KMT2B: variants seen among roughly 807,000 people sequenced by gnomAD.
KMT2B encodes the protein lysine methyltransferase 2B.
KMT2B carries 22 observed loss-of-function variants against 255.3 expected under a neutral mutation model. That is an observed-to-expected ratio of 0.09 (90% CI 0.06 to 0.12). The LOEUF is 0.12. Ranked by LOEUF, KMT2B falls within the 10% of genes least tolerant of loss-of-function variation. The pLI is 1.00. For missense variants in KMT2B, 3,149 were observed against 3,737.0 expected, an observed-to-expected ratio of 0.84 and a Z score of 4.10; for synonymous variants, 1,730 against 1,498.1, an observed-to-expected ratio of 1.15 and a Z score of -3.57.
chr19:35,728,475 A>C (rs1415964013), intron 19 of KMT2B, among the ~76,000 whole-genome samples: 1 of 118,374 alleles, frequency 8.4e-6, no homozygotes, highest in Non-Finnish European at 1.7e-5. Context: ...GTGATGGAGA[A>C]TACCAGGGGG....
rs1205441044 is a variant in KMT2B, at chr19:35,725,751, A to G, written c.3818A>G (p.His1273Arg). The stretch of plus-strand genomic sequence containing the variant: ...CTCCTGGAGTGCGAGCGCTGCCGCC[A>G]TGCATACCACCCGGCCTGTCTGGGG... ...KHLLECERCRHAYHPACLGPS... is the reference protein window; with the variant it reads ...KHLLECERCRRAYHPACLGPS... The change falls in exon 13 of 37, where the codon CAT becomes CGT. Residue 1273 changes from histidine (H) to arginine (R), a missense_variant. His to Arg is a conservative substitution (Grantham distance 29). Coordinates refer to ENST00000420124, the MANE Select transcript of KMT2B (RefSeq NM_014727.3). This position sits in a 1 kb window ranked among gnomAD's most constrained non-coding sequence, Gnocchi z 4.1. 10 of 1,605,986 alleles carry G rather than the reference A, an allele frequency of 6.2e-6. No homozygotes were observed. Among genetic ancestry groups the G allele is most frequent in the East Asian group, 2.3e-5 (1 of 44,396 alleles).
Position 35,733,388 on chromosome 19 carries a change from G to C in KMT2B, c.6839G>C (p.Arg2280Thr). Residue 2280 changes from arginine to threonine, a missense_variant, in exon 28 of 37, where the codon AGG becomes ACG. Physicochemically the swap from Arg to Thr is moderately conservative, Grantham distance 71. This residue lies in a region of KMT2B where 897 missense variants were observed against 825.3 expected (regional missense o/e 1.09). Transcript: ENST00000420124. This position sits in a 1 kb window ranked among gnomAD's most constrained non-coding sequence, Gnocchi z 4.3. ...SPPRQAIRVK[R>T]VSTFSGRSPP... ...CCCCGCCAGGCCATCCGCGTCAAGA[G>C]GGTGTCCACTTTCTCCGGCCGGTCC... 6.5e-7 allele frequency: 1 copy of C among 1,550,186 alleles called. No homozygotes were observed. Among genetic ancestry groups the C allele is most frequent in the Non-Finnish European group, 8.7e-7 (1 of 1,146,862 alleles).
rs1023349937 is a variant in KMT2B, at chr19:35,738,657, C to T, written c.*100C>T. 484 of 1,321,018 alleles carry T rather than the reference C, an allele frequency of 3.7e-4. 1 individual carries two copies. Among genetic ancestry groups the T allele is most frequent in the Middle Eastern group, 6.4e-4 (3 of 4,702 alleles). 81.8% of individuals were successfully genotyped at this position (1,321,018 alleles called of 1,614,324 possible). A position where few individuals can be genotyped will look rare whatever the true frequency, so the allele number is the denominator to read the frequency against. On this transcript the variant is annotated 3_prime_UTR_variant, in exon 37 of 37. Transcript: ENST00000420124. This position sits in a 1 kb window ranked among gnomAD's most constrained non-coding sequence, Gnocchi z 8.7. ...CCCTAGCCCCTCCCAGAGCATCTCA[C>T]CCCCACCCTCATGTTCAGGGTGGAT...
At position 35,723,689 on chromosome 19, in the gene KMT2B, C is replaced by T. The variant is rs758906894; in HGVS notation, c.3059-43C>T. The T allele has an allele frequency of 3.1e-5, 46 of 1,497,140 alleles. No individual in the cohort carries two copies. Among genetic ancestry groups the T allele is most frequent in the Middle Eastern group, 1.8e-4 (1 of 5,430 alleles). 92.7% of individuals were successfully genotyped at this position (1,497,140 alleles called of 1,614,324 possible). ...TGGCTTCTCTCCCAGTGTCCCATGT[C>T]CCTGGCTGAGCTCAAATCCTACTAA... On this transcript the variant is annotated intron_variant, in intron 7 of 36. Transcript: ENST00000420124. This position sits in a 1 kb window ranked among gnomAD's most constrained non-coding sequence, Gnocchi z 7.5.
At position 35,728,127 on chromosome 19, in the gene KMT2B, C is replaced by T. The variant is rs779008537; in HGVS notation, c.4527C>T (p.Asp1509=). The T allele has an allele frequency of 4.7e-5, 76 of 1,600,146 alleles. No homozygotes were observed. Among genetic ancestry groups the T allele is most frequent in the South Asian group, 9.1e-5 (8 of 88,384 alleles). Residue 1509 remains aspartate, a synonymous_variant, in exon 19 of 37, where the codon GAC becomes GAT. Coordinates refer to ENST00000420124, the MANE Select transcript of KMT2B (RefSeq NM_014727.3). The part of the protein sequence containing the change: ...KLLESAFGWF[D]AHDPKYWRRS... ...TAGAATCTGCGTTCGGCTGGTTCGA[C>T]GCCCACGACCCCAAGTACTGGCGAC...
chr19:35,724,654 C>T lies in KMT2B; in HGVS notation c.3352C>T (p.Pro1118Ser). The change falls in exon 9 of 37, where the codon CCT becomes TCT. Residue 1118 changes from proline (P) to serine (S), a missense_variant. By Grantham distance (74) the Pro-to-Ser change is moderately conservative (BLOSUM62 -1). Transcript: ENST00000420124. ...CTGCCTAGAGCTGCCACTGCCAGAA[C>T]CTGAGGAGCAGAGCCGGCCCCGCAA... ...PRENELPLPEPEEQSRPRKPT... is the reference protein window; with the variant it reads ...PRENELPLPESEEQSRPRKPT... The T allele has an allele frequency of 6.3e-7, 1 of 1,599,808 alleles. No homozygotes were observed. The highest frequency in any genetic ancestry group is 8.5e-7 in the Non-Finnish European group (1 of 1,173,588).
chr19:35,723,811 C>T lies in KMT2B; in HGVS notation c.3138C>T (p.Arg1046=), dbSNP rs748775538. ...CCTCCCCTGGTCCTCCAGGCCCACG[C>T]CGGGGGGCGGGAGCTGGGGGGCCCC... ...PEASPGPPGP[R]RGAGAGGPRE... The change falls in exon 8 of 37, where the codon CGC becomes CGT. Residue 1046 remains arginine, a synonymous_variant. Transcript: ENST00000420124. This position sits in a 1 kb window ranked among gnomAD's most constrained non-coding sequence, Gnocchi z 7.5. 14 of 1,592,982 alleles carry T rather than the reference C, an allele frequency of 8.8e-6. No homozygotes were observed. The highest frequency in any genetic ancestry group is 1.2e-5 in the Non-Finnish European group (14 of 1,169,148).
In KMT2B at chr19:35,722,391, CG is replaced by C; in HGVS notation, c.2494del (p.Ala832LeufsTer154). 6.2e-7 allele frequency: 1 copy of C among 1,610,794 alleles called. No homozygotes were observed. On this transcript the variant is annotated frameshift_variant, in exon 4 of 37. Transcript: ENST00000420124. LOFTEE classifies it high-confidence loss of function. ...CTGGAGGGCAGATGGAGGAGGTGGC[CG>C]GGGCTGTCAAGCAGATCTCCGACAG... ...SPGGQMEEVA[G>X]AVKQISDRGP...
At chr19:35,731,640 C>G (rs1001157040) in intron 26 of KMT2B, among the ~76,000 whole-genome samples, 30 of 152,232 alleles carry the variant, frequency 2.0e-4, no homozygotes, top group Middle Eastern at 6.8e-3. Context: ...GAGGGCAGTT[C>G]CCCATGGCGT....
At chr19:35,726,086 C>A in intron 13 of KMT2B, 150 bp from the exon 14 acceptor site, 1 of 679,718 alleles carries the variant, frequency 1.5e-6, no homozygotes. Flanking sequence ...CCTCATGTTC[C>A]TCCTCCGTGT....
At chr19:35,724,063 G>A (rs983763407) in intron 8 of KMT2B, 56 bp downstream of exon 8, 2 of 1,488,694 alleles carry the variant, frequency 1.3e-6, no homozygotes, top group Non-Finnish European at 1.8e-6. Context: ...TGTGTCTTTT[G>A]TGTAGGAGGG....
In KMT2B at chr19:35,723,516, A is replaced by G. The variant is rs756352097; in HGVS notation, c.3058+14A>G. 2.7e-5 allele frequency: 42 copies of G among 1,559,670 alleles called. No homozygotes were observed. In the Middle Eastern group the frequency reaches 1.2e-3, roughly 43 times the overall value. ...TGGCTAAAAAAGGTGACGAGCTTTA[A>G]GGAGCATTTCTTCTCAAAACCGTGT... On this transcript the variant is annotated intron_variant, in intron 7 of 36. Coordinates refer to ENST00000420124, the MANE Select transcript of KMT2B (RefSeq NM_014727.3). The surrounding 1 kb of genome is among the most constrained non-coding windows in gnomAD (Gnocchi z 7.5).
At position 35,738,661 on chromosome 19, in the gene KMT2B, C is replaced by T; in HGVS notation, c.*104C>T. 1 of 1,304,482 alleles carries T rather than the reference C, an allele frequency of 7.7e-7. No homozygotes were observed. Among genetic ancestry groups the T allele is most frequent in the Non-Finnish European group, 1.0e-6 (1 of 955,890 alleles). The allele number at this position is 1,304,482 out of a possible 1,614,324, so 80.8% of individuals were successfully genotyped here. The stretch of plus-strand genomic sequence containing the variant: ...AGCCCCTCCCAGAGCATCTCACCCC[C>T]ACCCTCATGTTCAGGGTGGATGTGG... On this transcript the variant is annotated 3_prime_UTR_variant, in exon 37 of 37. Transcript: ENST00000420124. The surrounding 1 kb of genome is among the most constrained non-coding windows in gnomAD (Gnocchi z 8.7).
chr19:35,733,226 C>G lies in KMT2B; in HGVS notation c.6677C>G (p.Pro2226Arg). The part of the protein sequence containing the change: ...KQPPLPPTIS[P>R]TAPTSWTLPP... Reference sequence around the variant, plus strand: ...CCACCTTTGCCCCCCACCATTTCCCCCACGGCTCCCACCTCCTGGACTCTG... The same window carrying G: ...CCACCTTTGCCCCCCACCATTTCCCGCACGGCTCCCACCTCCTGGACTCTG... The change falls in exon 28 of 37, where the codon CCC becomes CGC. Residue 2226 changes from proline (P) to arginine (R), a missense_variant. This residue lies in a region of KMT2B where 897 missense variants were observed against 825.3 expected (regional missense o/e 1.09). Coordinates refer to ENST00000420124, the MANE Select transcript of KMT2B (RefSeq NM_014727.3). This position sits in a 1 kb window ranked among gnomAD's most constrained non-coding sequence, Gnocchi z 4.3. The G allele has an allele frequency of 6.7e-7, 1 of 1,494,396 alleles. No homozygotes were observed. 92.6% of individuals were successfully genotyped at this position (1,494,396 alleles called of 1,614,324 possible).
In KMT2B at chr19:35,718,460, G is replaced by A. The variant is rs1969045709; in HGVS notation, c.363+79G>A. The A allele has an allele frequency of 3.3e-6, 4 of 1,197,624 alleles. No individual in the cohort carries two copies. Among genetic ancestry groups the A allele is most frequent in the Non-Finnish European group, 4.2e-6 (4 of 958,188 alleles). The allele number at this position is 1,197,624 out of a possible 1,614,324, so 74.2% of individuals were successfully genotyped here. A position where few individuals can be genotyped will look rare whatever the true frequency, so the allele number is the denominator to read the frequency against. ...CAGGGGTCTGGGTTGTCCCGGGGGC[G>A]GCGTGGGCAGGCCGGGTCCTCAGGG... is the stretch of plus-strand genomic sequence containing the variant. On this transcript the variant is annotated intron_variant, in intron 1 of 36. Coordinates refer to ENST00000420124, the MANE Select transcript of KMT2B (RefSeq NM_014727.3). This position sits in a 1 kb window ranked among gnomAD's most constrained non-coding sequence, Gnocchi z 5.0.
At position 35,733,089 on chromosome 19, in the gene KMT2B, C is replaced by T. The variant is rs1046401876; in HGVS notation, c.6540C>T (p.Ala2180=). The part of the protein sequence containing the change: ...PGVRVLSLGP[A]PEPPKPATSK... ...TCCGGGTGTTAAGCCTTGGCCCTGC[C>T]CCTGAGCCCCCCAAACCCGCCACAT... Residue 2180 remains alanine, a synonymous_variant, in exon 28 of 37, where the codon GCC becomes GCT. Coordinates refer to ENST00000420124, the MANE Select transcript of KMT2B (RefSeq NM_014727.3). The surrounding 1 kb of genome is among the most constrained non-coding windows in gnomAD (Gnocchi z 4.3). 2 of 1,564,666 alleles carry T rather than the reference C, an allele frequency of 1.3e-6. No homozygotes were observed. The highest frequency in any genetic ancestry group is 2.4e-5 in the East Asian group (1 of 41,894).
rs1969257525 is a variant in KMT2B at position 35,722,441 on chromosome 19, A to G, written c.2540A>G (p.Glu847Gly). ...AGAGGCCCTGTCCGGTCTGAAGATG[A>G]GTCGGTGGAAGCTAAGAGAGAGCGG... ...SDRGPVRSEDESVEAKRERPS... is the reference protein window; with the variant it reads ...SDRGPVRSEDGSVEAKRERPS... Residue 847 changes from glutamate to glycine, a missense_variant, in exon 4 of 37, where the codon GAG (glutamate) becomes GGG (glycine). Physicochemically the swap from Glu to Gly is moderately conservative, Grantham distance 98. Around this residue, in one of 18 missense-constraint regions of KMT2B, gnomAD observed 1,188 missense variants for 1,106.4 expected, o/e 1.07. Transcript: ENST00000420124. 6.2e-7 allele frequency: 1 copy of G among 1,609,640 alleles called. No homozygotes were observed. The highest frequency in any genetic ancestry group is 1.7e-5 in the Admixed American group (1 of 59,974).
rs1969053283 is a variant in KMT2B, at chr19:35,718,595, C to T, written c.363+214C>T. 6.6e-6 allele frequency among the ~76,000 whole-genome samples: 1 copy of T among 152,212 alleles called. No individual in the cohort carries two copies. Among genetic ancestry groups the T allele is most frequent in the African/African-American group, 2.4e-5 (1 of 41,454 alleles). On this transcript the variant is annotated intron_variant, in intron 1 of 36. Transcript: ENST00000420124. The surrounding 1 kb of genome is among the most constrained non-coding windows in gnomAD (Gnocchi z 5.0). ...CCCGGCTGCAGCCAGGCACTCGCGC[C>T]CGATGTCGGTCCCGCTGAAGTGTCT... is the stretch of plus-strand genomic sequence containing the variant.
chr19:35,723,331 C>G lies in KMT2B; in HGVS notation c.3002+57C>G, dbSNP rs1677205484. 6.3e-7 allele frequency: 1 copy of G among 1,580,336 alleles called. No homozygotes were observed. The highest frequency in any genetic ancestry group is 1.7e-5 in the Admixed American group (1 of 57,322). On this transcript the variant is annotated intron_variant, in intron 6 of 36. Coordinates refer to ENST00000420124, the MANE Select transcript of KMT2B (RefSeq NM_014727.3). This position sits in a 1 kb window ranked among gnomAD's most constrained non-coding sequence, Gnocchi z 7.5. Reference sequence around the variant, plus strand: ...GGTTGTTGGTCCCCTAGGCTTCCTACCTCACTCCTCTTCTGCCTGGCCAGA... The same window carrying G: ...GGTTGTTGGTCCCCTAGGCTTCCTAGCTCACTCCTCTTCTGCCTGGCCAGA...
Sources: allele counts gnomAD v4.1 joint callset (sites outside exome capture counted in the v4.1 genomes callset), GRCh38; gene constraint gnomAD v4.1.1; regional missense constraint gnomAD v4.1.1; non-coding constraint Gnocchi (gnomAD v3.1); transcripts MANE v1.5; gene names NCBI Gene and HGNC (gene_info 2026-07-23, HGNC 2026-07-21).